Variants in KIF12 observed in about 807,000 individuals in gnomAD.
KIF12 encodes the protein kinesin family member 12, also known as kinesin-like protein KIF12.
In KIF12, 80 loss-of-function variants were observed where a neutral mutation model predicts 87.9. That is an observed-to-expected ratio of 0.91 (90% CI 0.76 to 1.10). KIF12 has a LOEUF of 1.10. KIF12 is among the 50% of genes least tolerant of loss of function. KIF12 has a pLI of 0.00. For synonymous variants in KIF12, 353 were observed against 348.5 expected, an observed-to-expected ratio of 1.01 and a Z score of -0.14; for missense variants, 819 against 865.3, an observed-to-expected ratio of 0.95 and a Z score of 0.67.
chr9:114,098,521 G>GGGTGGAGGGCGGGGCACTCT, intron 3 of KIF12, 92 bp from the exon 4 acceptor site: 1 of 763,168 alleles, frequency 1.3e-6, no homozygotes, highest in Non-Finnish European at 1.8e-6. Context: ...CGGGGCACGC[G>GGGTGGAGGGCGGGGCACTCT]GGAGGAGGGC....
At chr9:114,093,166 A>C in intron 16 of KIF12, 63 bp downstream of exon 16, 2 of 1,399,548 alleles carry the variant, frequency 1.4e-6, no homozygotes, top group Non-Finnish European at 2.0e-6. Flanking sequence ...TGGATTGATG[A>C]CTCCTGGATC....
rs1162862760 is a variant in KIF12, at chr9:114,094,287, A to T, written c.1223-16T>A. 6.2e-7 allele frequency: 1 copy of T among 1,613,324 alleles called. No homozygotes were observed. ...AGCCCTGAGGCTGCAGGGAAGCAGGAGGTGGTGGATCCACAGGAGCCCCAG... is the reference window on the plus strand; with the variant it reads ...AGCCCTGAGGCTGCAGGGAAGCAGGTGGTGGTGGATCCACAGGAGCCCCAG... On this transcript the variant is annotated splice_polypyrimidine_tract_variant and intron_variant, in intron 12 of 18. Transcript: ENST00000640217.
In KIF12 at chr9:114,096,411, G is replaced by C. The variant is rs1847233267; in HGVS notation, c.714C>G (p.Leu238=). The change falls in exon 8 of 19, where the codon CTC becomes CTG. Residue 238 remains leucine (L), a synonymous_variant. Transcript: ENST00000640217. ...NQASSRSHAL[L]TLYISRQTAQ... ...CAGTTTGACGGCTGATGTAAAGGGT[G>C]AGCAGGGCATGGCTTCGGCTGGAGG... 6.2e-7 allele frequency: 1 copy of C among 1,613,140 alleles called. No individual in the cohort carries two copies. The highest frequency in any genetic ancestry group is 8.5e-7 in the Non-Finnish European group (1 of 1,179,726).
In KIF12 at chr9:114,099,171, T is replaced by C; in HGVS notation, c.27-2A>G. 8 of 1,550,392 alleles carry C rather than the reference T, an allele frequency of 5.2e-6. No individual in the cohort carries two copies. The highest frequency in any genetic ancestry group is 7.0e-6 in the Non-Finnish European group (8 of 1,147,038). On this transcript the variant is annotated splice_acceptor_variant, in intron 1 of 18. Transcript: ENST00000640217. LOFTEE classifies it high-confidence loss of function. ...TGCTCCAGGCTCCGCGCGAGATCCC[T>C]GTGGGCAGCAATGCGACTTATCATA...
Position 114,091,946 on chromosome 9 carries a change from A to G in KIF12, c.1871T>C (p.Ile624Thr), listed in dbSNP as rs1455843890. Residue 624 changes from isoleucine (I) to threonine (T), a missense_variant, in exon 19 of 19, where the codon ATT (isoleucine) becomes ACT (threonine). Ile to Thr is a moderately conservative substitution (Grantham distance 89, BLOSUM62 -1). Transcript: ENST00000640217. ...AQRLEALRDQ[I>T]GSSLRRGRSQ... is the part of the protein sequence containing the mutation. Reference sequence around the variant, plus strand: ...GCGGCCACGTCGCAGGGAGCTGCCAATCTGGTCTCTGAGGGCCTCCAGTCT... The same window carrying G: ...GCGGCCACGTCGCAGGGAGCTGCCAGTCTGGTCTCTGAGGGCCTCCAGTCT... The G allele has an allele frequency of 3.7e-6, 6 of 1,612,968 alleles. No homozygotes were observed. Among genetic ancestry groups the G allele is most frequent in the Non-Finnish European group, 4.2e-6 (5 of 1,179,784 alleles).
chr9:114,095,977 C>T, intron 9 of KIF12, 74 bp downstream of exon 9: 3 of 1,464,626 alleles, frequency 2.0e-6, no homozygotes, highest in Admixed American at 2.1e-5. Context: ...CCTCTGGTAT[C>T]CCCCACTGTG....
intron 16 of KIF12, 163 bp from the exon 17 acceptor site, chr9:114,092,805 G>A (rs1588499153): frequency 3.4e-6 from 5 of 1,458,300 alleles, no homozygotes; most frequent in Non-Finnish European, 4.5e-6. Flanking sequence ...TCTGTGTGCA[G>A]CAGATGGTTC....
chr9:114,098,413 C>T lies in KIF12; in HGVS notation c.188G>A (p.Gly63Glu), dbSNP rs761363528. 1 of 1,499,216 alleles carries T rather than the reference C, an allele frequency of 6.7e-7. No individual in the cohort carries two copies. The highest frequency in any genetic ancestry group is 8.9e-7 in the Non-Finnish European group (1 of 1,129,396). The allele number at this position is 1,499,216 out of a possible 1,614,324, so 92.9% of individuals were successfully genotyped here. A position where few individuals can be genotyped will look rare whatever the true frequency, so the allele number is the denominator to read the frequency against. Residue 63 changes from glycine (G) to glutamate (E), a missense_variant, in exon 4 of 19, where the codon GGG (glycine) becomes GAG (glutamate). Gly to Glu is a moderately conservative substitution (Grantham distance 98, BLOSUM62 -2). Coordinates refer to ENST00000640217, the MANE Select transcript of KIF12 (RefSeq NM_001388308.1). The stretch of plus-strand genomic sequence containing the variant: ...GAAGCGGAACGCCACTTCTGGACCC[C>T]CGCCTGGAGGACTCACCTGGCGCGG... ...TRTLQVSPPG[G>E]GPEVAFRFGA... is the part of the protein sequence containing the mutation.
chr9:114,095,461 C>T, intron 9 of KIF12, 129 bp from the exon 10 acceptor site: 6 of 991,386 alleles, frequency 6.1e-6, no homozygotes, highest in Non-Finnish European at 8.8e-6. Flanking sequence ...CACATGATCT[C>T]ATGACTCAGT....
intron 13 of KIF12, 84 bp from the exon 14 acceptor site, chr9:114,094,056 A>C (rs1847102469): frequency 2.1e-6 from 3 of 1,454,394 alleles, no homozygotes; most frequent in Non-Finnish European, 2.9e-6. Context: ...GCAGCATAGC[A>C]CCAGTTCAGG....
Position 114,098,292 on chromosome 9 carries a change from C to A in KIF12, c.299+10G>T. ...GGCCCGGCGCGGAGCGGAGGCGAAG[C>A]TTCACTCACCCGCGCAGCGCCAGCT... On this transcript the variant is annotated intron_variant, in intron 4 of 18. Transcript: ENST00000640217. 1 of 1,477,208 alleles carries A rather than the reference C, an allele frequency of 6.8e-7. No homozygotes were observed. The highest frequency in any genetic ancestry group is 1.4e-5 in the South Asian group (1 of 73,832). The allele number at this position is 1,477,208 out of a possible 1,614,324, so 91.5% of individuals were successfully genotyped here.
intron 17 of KIF12, 37 bp downstream of exon 17, chr9:114,092,505 A>C (rs1319555002): frequency 6.2e-7 from 1 of 1,612,636 alleles, no homozygotes; most frequent in South Asian, 1.1e-5. Flanking sequence ...TCCCCAGACC[A>C]CCCCTCTCTG....
At position 114,097,361 on chromosome 9, in the gene KIF12, C is replaced by G. The variant is rs754131408; in HGVS notation, c.586G>C (p.Glu196Gln). The G allele has an allele frequency of 5.6e-6, 9 of 1,610,490 alleles. No homozygotes were observed. Among genetic ancestry groups the G allele is most frequent in the Non-Finnish European group, 7.6e-6 (9 of 1,179,196 alleles). The change falls in exon 7 of 19, where the codon GAG (glutamate) becomes CAG (glutamine). Residue 196 changes from glutamate to glutamine, a missense_variant. Physicochemically the swap from Glu to Gln is conservative, Grantham distance 29 (BLOSUM62 2). Transcript: ENST00000640217. ...CCAAATTCCACCACCCGCAGCTGCTCCACATAGAAGCCCCGAGTCTTGTTC... is the reference window on the plus strand; with the variant it reads ...CCAAATTCCACCACCCGCAGCTGCTGCACATAGAAGCCCCGAGTCTTGTTC... ...RWNKTRGFYV[E>Q]QLRVVEFGSL... is the part of the protein sequence containing the mutation.
chr9:114,097,517 A>C (rs1847282923), intron 6 of KIF12, 81 bp from the exon 7 acceptor site: 5 of 1,586,774 alleles, frequency 3.2e-6, no homozygotes, highest in Non-Finnish European at 4.3e-6. Flanking sequence ...AACAGTCCCC[A>C]CCGCCTCTTC....
At position 114,097,784 on chromosome 9, in the gene KIF12, T is replaced by C. The variant is rs774562101; in HGVS notation, c.376-43A>G. 2.0e-5 allele frequency: 32 copies of C among 1,589,008 alleles called. No homozygotes were observed. The Middle Eastern group carries it at 5.7e-4, about 28-fold the overall frequency. The stretch of plus-strand genomic sequence containing the variant: ...TGAGCCATCGTCATCTCCACAGTAA[T>C]AACTACCCTCTGTAGCGCATGTATG... On this transcript the variant is annotated intron_variant, in intron 5 of 18. Coordinates refer to ENST00000640217, the MANE Select transcript of KIF12 (RefSeq NM_001388308.1).
chr9:114,097,051 G>GAGGCC (rs1024630573), intron 7 of KIF12, among the ~76,000 whole-genome samples: 2 of 152,336 alleles, frequency 1.3e-5, no homozygotes, highest in African/African-American at 4.8e-5. Flanking sequence ...AGTCCTGGCG[G>GAGGCC]AGGCCGAGGC....
rs1370119810 is a variant in KIF12, at chr9:114,096,372, G to A, written c.738+15C>T. ...GTGGCCCCGGGTAAGCACCTTCCCA[G>A]GCTGGAGCACTCACAGTTTGACGGC... On this transcript the variant is annotated intron_variant, in intron 8 of 18. Transcript: ENST00000640217. 6.2e-7 allele frequency: 1 copy of A among 1,610,382 alleles called. No homozygotes were observed. Among genetic ancestry groups the A allele is most frequent in the Non-Finnish European group, 8.5e-7 (1 of 1,178,290 alleles).
rs960957508 is a variant in KIF12 at position 114,091,687 on chromosome 9, G to C, written c.*174C>G. The C allele has an allele frequency of 3.5e-6, 2 of 579,324 alleles. No homozygotes were observed. Among genetic ancestry groups the C allele is most frequent in the Non-Finnish European group, 5.8e-6 (2 of 342,372 alleles). The allele number at this position is 579,324 out of a possible 1,614,324, so 35.9% of individuals were successfully genotyped here. ...CATGTATTTCATCCCCTGCTGCCTG[G>C]TTTCTCCTGAATCCCCTTGTTCCCC... On this transcript the variant is annotated 3_prime_UTR_variant, in exon 19 of 19. Coordinates refer to ENST00000640217, the MANE Select transcript of KIF12 (RefSeq NM_001388308.1).
rs1489109452 is a variant in KIF12 at position 114,095,993 on chromosome 9, C to CTGTG, written c.895+54_895+57dup. On this transcript the variant is annotated intron_variant, in intron 9 of 18. Coordinates refer to ENST00000640217, the MANE Select transcript of KIF12 (RefSeq NM_001388308.1). ...CTCTGGTATCCCCCACTGTGGAGAG[C>CTGTG]TGTGAGCCAGGCACAGAGGAGAGAC... The CTGTG allele has an allele frequency of 1.9e-6, 3 of 1,543,834 alleles. No homozygotes were observed. The African/African-American group carries it at 4.1e-5, about 21-fold the overall frequency.
Sources: allele counts gnomAD v4.1 joint callset (sites outside exome capture counted in the v4.1 genomes callset), GRCh38; gene constraint gnomAD v4.1.1; transcripts MANE v1.5; gene names NCBI Gene and HGNC (gene_info 2026-07-23, HGNC 2026-07-21).